RAB11FIP1: variants seen among roughly 807,000 people sequenced by gnomAD.
The protein encoded by RAB11FIP1 is RAB11 family interacting protein 1.
RAB11FIP1 carries 49 observed loss-of-function variants against 83.1 expected under a neutral mutation model. That is an observed-to-expected ratio of 0.59 (90% CI 0.47 to 0.75). The LOEUF is 0.75. Among genes scored for constraint, RAB11FIP1 ranks in the 30% least tolerant of loss-of-function variants. The probability of loss-of-function intolerance (pLI) is 0.00; values close to 1 mark genes in which losing one functional copy is unlikely to be tolerated. For synonymous variants in RAB11FIP1, 670 were observed against 656.0 expected (o/e 1.02, Z -0.33); for missense variants, 1,536 against 1,598.7 (o/e 0.96, Z 0.67).
rs1252838644 is a variant in RAB11FIP1 at position 37,860,187 on chromosome 8, T to A, written c.*2708A>T. Reference sequence around the variant, plus strand: ...AGCAGCAGACATCTCCAAACCAACATCCTTGTGAACACTGCAGATCTCTAC... The same window carrying A: ...AGCAGCAGACATCTCCAAACCAACAACCTTGTGAACACTGCAGATCTCTAC... On this transcript the variant is annotated 3_prime_UTR_variant, in exon 6 of 6. Transcript: ENST00000330843. 1 of 152,500 alleles carries A rather than the reference T, an allele frequency of 6.6e-6. No homozygotes were observed. The highest frequency in any genetic ancestry group is 2.4e-5 in the African/African-American group (1 of 41,348). The allele number at this position is 152,500 out of a possible 1,614,324, so 9.4% of individuals were successfully genotyped here.
chr8:37,892,532 G>A lies in RAB11FIP1; in HGVS notation c.371+6539C>T, dbSNP rs1191470661. On this transcript the variant is annotated intron_variant, in intron 1 of 5. Coordinates refer to ENST00000330843, the MANE Select transcript of RAB11FIP1 (RefSeq NM_001002814.3). ...TGCAATGGCGCAGTCTCAGCTCACC[G>A]CAACCTCTGCTTCCCAGGTTCAAGC... Among the ~76,000 whole-genome samples the A allele has an allele frequency of 4.6e-5, 7 of 151,678 alleles. 1 individual carries two copies. The highest frequency in any genetic ancestry group is 4.2e-4 in the South Asian group (2 of 4,816).
In RAB11FIP1 at chr8:37,876,259, AAGG is replaced by A. The variant is rs1358764324; in HGVS notation, c.814+847_814+849del. The stretch of plus-strand genomic sequence containing the variant: ...GAAGGAAGGAAGGAAGGAAGGAAGG[AAGG>A]AAGAAAGAAGGAAAGAAACCAGAGG... On this transcript the variant is annotated intron_variant, in intron 2 of 5. Coordinates refer to ENST00000330843, the MANE Select transcript of RAB11FIP1 (RefSeq NM_001002814.3). 4.3e-3 allele frequency among the ~76,000 whole-genome samples: 630 copies of A among 146,734 alleles called. 7 individuals are homozygous for A. The highest frequency in any genetic ancestry group is 0.016 in the African/African-American group (597 of 36,808).
chr8:37,898,593 C>A (rs1359931528), intron 1 of RAB11FIP1, among the ~76,000 whole-genome samples: 1 of 145,738 alleles, frequency 6.9e-6, no homozygotes, highest in African/African-American at 2.6e-5. Flanking sequence ...GCGGAGGTTG[C>A]AGTGAGCCGA....
At chr8:37,876,397 C>A (rs1037241103) in intron 2 of RAB11FIP1, among the ~76,000 whole-genome samples, 2 of 151,842 alleles carry the variant, frequency 1.3e-5, no homozygotes, top group Non-Finnish European at 2.9e-5. Context: ...AGTTTCAGAC[C>A]AGCCTGGGCA....
chr8:37,872,418 C>A lies in RAB11FIP1; in HGVS notation c.2384G>T (p.Gly795Val). Residue 795 changes from glycine (G) to valine (V), a missense_variant, in exon 4 of 6, where the codon GGT (glycine) becomes GTT (valine). Physicochemically the swap from Gly to Val is moderately radical, Grantham distance 109 (BLOSUM62 -3). Transcript: ENST00000330843. ...DSMMRKLEEM[G>V]LNLRKDQKKT... ...CTTCTGGTCCTTGCGGAGGTTCAGA[C>A]CCATCTCTTCCAGCTTCCGCATCAT... The A allele has an allele frequency of 6.2e-7, 1 of 1,614,194 alleles. No individual in the cohort carries two copies. The highest frequency in any genetic ancestry group is 8.5e-7 in the Non-Finnish European group (1 of 1,180,028).
intron 3 of RAB11FIP1, among the ~76,000 whole-genome samples, chr8:37,873,530 TG>T (rs1401861234): frequency 1.3e-5 from 2 of 151,804 alleles, no homozygotes; most frequent in Non-Finnish European, 2.9e-5. Context: ...TGCTTGAACC[TG>T]GGAGGTGGAG....
At position 37,883,241 on chromosome 8, in the gene RAB11FIP1, C is replaced by T. The variant is rs568724769; in HGVS notation, c.372-5690G>A. On this transcript the variant is annotated intron_variant, in intron 1 of 5. Transcript: ENST00000330843. Reference sequence around the variant, plus strand: ...AGAGACTGAGTCTCACTCTATCGCCCAGGCTGGAGTGCAGTGACGTGATCT... The same window carrying T: ...AGAGACTGAGTCTCACTCTATCGCCTAGGCTGGAGTGCAGTGACGTGATCT... Among the ~76,000 whole-genome samples the T allele has an allele frequency of 3.3e-5, 5 of 152,020 alleles. No individual in the cohort carries two copies. In the East Asian group the frequency reaches 9.7e-4, roughly 29 times the overall value.
chr8:37,867,908 T>C (rs1476142597), intron 5 of RAB11FIP1, among the ~76,000 whole-genome samples: 2 of 152,092 alleles, frequency 1.3e-5, no homozygotes, highest in East Asian at 1.9e-4. Flanking sequence ...CTCTTACTGG[T>C]AGACATGCAG....
chr8:37,877,130 C>G lies in RAB11FIP1; in HGVS notation c.793G>C (p.Glu265Gln), dbSNP rs568597427. ...TCACCATCCGAGGCCGAGGAGGACT[C>G]ATCCTCATTGTCATCTTCATCCCAC... The part of the protein sequence containing the change: ...SQWDEDDNED[E>Q]SSSASDVMSH... The change falls in exon 2 of 6, where the codon GAG (glutamate) becomes CAG (glutamine). Residue 265 changes from glutamate (E) to glutamine (Q), a missense_variant. Transcript: ENST00000330843. 6.2e-7 allele frequency: 1 copy of G among 1,613,362 alleles called. No individual in the cohort carries two copies. The highest frequency in any genetic ancestry group is 1.7e-5 in the Admixed American group (1 of 59,992).
At chr8:37,876,950 G>T (rs140989495) in intron 2 of RAB11FIP1, among the ~76,000 whole-genome samples, 159 bp downstream of exon 2, 1 of 152,100 alleles carries the variant, frequency 6.6e-6, no homozygotes, top group East Asian at 1.9e-4. Flanking sequence ...CTTAGAGAGG[G>T]CATCTTAACC....
chr8:37,879,798 G>A (rs200330147), intron 1 of RAB11FIP1, among the ~76,000 whole-genome samples: 4 of 152,178 alleles, frequency 2.6e-5, no homozygotes, highest in South Asian at 2.1e-4. Context: ...CAGGAGAATC[G>A]CTTGAACCCG....
At position 37,861,398 on chromosome 8, in the gene RAB11FIP1, C is replaced by G. The variant is rs965396391; in HGVS notation, c.*1497G>C. On this transcript the variant is annotated 3_prime_UTR_variant, in exon 6 of 6. Coordinates refer to ENST00000330843, the MANE Select transcript of RAB11FIP1 (RefSeq NM_001002814.3). ...TTTATTAACTACATTAAGCCCTTCA[C>G]TACAATTTCCCCAGTATCCCACAAA... The G allele has an allele frequency of 1.2e-5, 4 of 336,104 alleles. No homozygotes were observed. The highest frequency in any genetic ancestry group is 2.3e-5 in the Non-Finnish European group (4 of 173,326). 20.8% of individuals were successfully genotyped at this position (336,104 alleles called of 1,614,324 possible).
chr8:37,879,961 G>C (rs767155664), intron 1 of RAB11FIP1, among the ~76,000 whole-genome samples: 2 of 152,102 alleles, frequency 1.3e-5, no homozygotes, highest in Non-Finnish European at 2.9e-5. Flanking sequence ...TGGAAAGGAA[G>C]CCTTCTTCCC....
chr8:37,895,741 A>G (rs1228196019), intron 1 of RAB11FIP1, among the ~76,000 whole-genome samples: 1 of 152,086 alleles, frequency 6.6e-6, no homozygotes, highest in Admixed American at 6.6e-5. Context: ...CTGGGGCCTT[A>G]TCAAGAAAAC....
At chr8:37,878,413 G>T (rs1408763471) in intron 1 of RAB11FIP1, among the ~76,000 whole-genome samples, 1 of 150,756 alleles carries the variant, frequency 6.6e-6, no homozygotes, top group Non-Finnish European at 1.5e-5. Context: ...AGGCGCCTGT[G>T]GTCCCAGCTA....
chr8:37,879,742 G>A (rs1806697598), intron 1 of RAB11FIP1, among the ~76,000 whole-genome samples: 1 of 152,026 alleles, frequency 6.6e-6, no homozygotes, highest in Non-Finnish European at 1.5e-5. Context: ...AAATAGCCGG[G>A]TGTTGTGCCA....
At chr8:37,879,757 C>G (rs929395571) in intron 1 of RAB11FIP1, among the ~76,000 whole-genome samples, 1 of 152,000 alleles carries the variant, frequency 6.6e-6, no homozygotes, top group African/African-American at 2.4e-5. Flanking sequence ...GTGCCACATG[C>G]CTGTAATTTC....
chr8:37,882,540 C>T (rs1806750418), intron 1 of RAB11FIP1, among the ~76,000 whole-genome samples: 1 of 152,194 alleles, frequency 6.6e-6, no homozygotes, highest in Admixed American at 6.5e-5. Context: ...TATGAATAAG[C>T]ATAGTGCCTA....
At chr8:37,866,921 TGCAG>T (rs1368468805) in intron 5 of RAB11FIP1, among the ~76,000 whole-genome samples, 31 of 151,550 alleles carry the variant, frequency 2.0e-4, no homozygotes, top group Admixed American at 2.0e-3. Context: ...AGAGATGTGT[TGCAG>T]GCAGGCAGCG....
Sources: gnomAD v4.1 joint callset for allele counts (sites outside exome capture counted in the v4.1 genomes callset) on GRCh38, gnomAD v4.1.1 for gene constraint, MANE v1.5 for transcripts, NCBI Gene and HGNC (gene_info 2026-07-23, HGNC 2026-07-21) for gene names.